Variants in PSMC1 observed in about 807,000 individuals in gnomAD.
PSMC1 encodes the protein 26S proteasome regulatory subunit 4.
In PSMC1, 5 loss-of-function variants were observed where a neutral mutation model predicts 49.8. The observed-to-expected ratio is 0.10, with a 90% CI of 0.05 to 0.21. PSMC1 has a LOEUF of 0.21. Among genes scored for constraint, PSMC1 ranks in the 10% least tolerant of loss-of-function variants. The pLI, the probability that PSMC1 is intolerant of heterozygous loss-of-function variation, is 1.00. For missense variants in PSMC1, 181 were observed against 535.7 expected (o/e 0.34, Z 6.54); for synonymous variants, 155 against 192.1 (o/e 0.81, Z 1.60).
chr14:90,275,329 A>T lies in PSMC1; in HGVS notation c.*2922A>T, dbSNP rs1376576422. On this transcript the variant is annotated 3_prime_UTR_variant, in exon 11 of 11. Transcript: ENST00000261303. Reference sequence around the variant, plus strand: ...AGTGTCTGTATCGTGGGCGGGTAGCAGACTCTCAGCAACTGACTCACACGG... The same window carrying T: ...AGTGTCTGTATCGTGGGCGGGTAGCTGACTCTCAGCAACTGACTCACACGG... 6.6e-6 allele frequency: 1 copy of T among 152,178 alleles called. No individual in the cohort carries two copies. Among genetic ancestry groups the T allele is most frequent in the Non-Finnish European group, 1.5e-5 (1 of 68,044 alleles). 9.4% of individuals were successfully genotyped at this position (152,178 alleles called of 1,614,324 possible).
intron 8 of PSMC1, 54 bp downstream of exon 8, chr14:90,268,467 C>T (rs1274780321): frequency 1.9e-6 from 3 of 1,556,544 alleles, no homozygotes; most frequent in Non-Finnish European, 1.8e-6. Flanking sequence ...CCGCATAGCT[C>T]TTCTCTTGAG....
intron 5 of PSMC1, 94 bp downstream of exon 5, chr14:90,263,941 C>A: frequency 6.3e-7 from 1 of 1,585,478 alleles, no homozygotes; most frequent in Non-Finnish European, 8.6e-7. Flanking sequence ...ATCACCAAAG[C>A]ACTCCTCAGG....
intron 7 of PSMC1, among the ~76,000 whole-genome samples, chr14:90,265,688 CAAAA>C (rs35151204): frequency 4.3e-5 from 4 of 94,110 alleles, no homozygotes; most frequent in Admixed American, 1.0e-4. Flanking sequence ...GACTACATCT[CAAAA>C]AAAAAAAAAA....
chr14:90,257,767 A>G (rs1484326200), intron 1 of PSMC1, among the ~76,000 whole-genome samples: 1 of 151,934 alleles, frequency 6.6e-6, no homozygotes, highest in Non-Finnish European at 1.5e-5. Context: ...TAATTTTTGT[A>G]TTTTTGTAGA....
intron 1 of PSMC1, among the ~76,000 whole-genome samples, chr14:90,257,093 G>C (rs982263349): frequency 4.6e-5 from 7 of 152,190 alleles, no homozygotes; most frequent in African/African-American, 1.7e-4. Context: ...CCTTAAAGAC[G>C]TTGTTATGAC....
chr14:90,272,139 C>T lies in PSMC1; in HGVS notation c.1189-134C>T, dbSNP rs1359192938. 1.1e-6 allele frequency: 1 copy of T among 909,694 alleles called. No individual in the cohort carries two copies. Among genetic ancestry groups the T allele is most frequent in the Non-Finnish European group, 1.6e-6 (1 of 612,254 alleles). The allele number at this position is 909,694 out of a possible 1,614,324, so 56.4% of individuals were successfully genotyped here. On this transcript the variant is annotated intron_variant, in intron 10 of 10. Coordinates refer to ENST00000261303, the MANE Select transcript of PSMC1 (RefSeq NM_002802.3). The surrounding 1 kb of genome is among the most constrained non-coding windows in gnomAD (Gnocchi z 4.5). ...GAACTCCTGACCTTAGGCGATCCAC[C>T]TGCCTCGGCCTCCCAGAGTGCTGGG...
chr14:90,264,956 A>G, intron 6 of PSMC1, 114 bp from the exon 7 acceptor site: 1 of 773,758 alleles, frequency 1.3e-6, no homozygotes, highest in Non-Finnish European at 2.2e-6. Context: ...GTCTCTAAGA[A>G]GAGTAATTGA....
intron 10 of PSMC1, 84 bp downstream of exon 10, chr14:90,270,436 T>C: frequency 6.8e-7 from 1 of 1,468,412 alleles, no homozygotes; most frequent in South Asian, 1.3e-5. Flanking sequence ...GGGATGGTGG[T>C]TGGCCTGGAC....
At chr14:90,265,781 C>T in intron 7 of PSMC1, among the ~76,000 whole-genome samples, 1 of 151,606 alleles carries the variant, frequency 6.6e-6, no homozygotes, top group Admixed American at 6.6e-5. Context: ...GTCACTTGAG[C>T]CCTGGAGGTT....
chr14:90,269,266 G>C (rs1413853365), intron 8 of PSMC1, 131 bp from the exon 9 acceptor site: 1 of 751,884 alleles, frequency 1.3e-6, no homozygotes, highest in Non-Finnish European at 2.1e-6. Context: ...GAGCATAATT[G>C]AGGGAGTGCC....
chr14:90,269,924 C>A, intron 9 of PSMC1: 1 of 431,680 alleles, frequency 2.3e-6, no homozygotes, highest in South Asian at 4.5e-5. Flanking sequence ...GTTTTTAACA[C>A]AATAGGTCTG....
At chr14:90,258,917 T>C (rs1297983452) in intron 1 of PSMC1, among the ~76,000 whole-genome samples, 1 of 152,258 alleles carries the variant, frequency 6.6e-6, no homozygotes, top group Non-Finnish European at 1.5e-5. Context: ...TTCTTGATTC[T>C]AAGATGCAAT....
chr14:90,271,965 T>C (rs185503371), intron 10 of PSMC1: 9 of 214,250 alleles, frequency 4.2e-5, no homozygotes, highest in African/African-American at 2.2e-4. Flanking sequence ...CGATCTCGGC[T>C]CACTGTAACC....
In PSMC1 at chr14:90,274,786, C is replaced by CCACACACACA. The variant is rs1566677946; in HGVS notation, c.*2379_*2380insCACACACACA. ...ACAGTATAGCCCTTTAAATAGGGAA[C>CCACACACACA]TACACACACACACACACACACACAC... On this transcript the variant is annotated 3_prime_UTR_variant, in exon 11 of 11. Transcript: ENST00000261303. 22 of 81,646 alleles carry CCACACACACA rather than the reference C, an allele frequency of 2.7e-4. No homozygotes were observed. Among genetic ancestry groups the CCACACACACA allele is most frequent in the African/African-American group, 1.0e-3 (21 of 20,278 alleles). The allele number at this position is 81,646 out of a possible 1,614,324, so 5.1% of individuals were successfully genotyped here. A position where few individuals can be genotyped will look rare whatever the true frequency, so the allele number is the denominator to read the frequency against.
At chr14:90,262,808 T>C (rs1207918960) in intron 3 of PSMC1, among the ~76,000 whole-genome samples, 1 of 151,606 alleles carries the variant, frequency 6.6e-6, no homozygotes, top group Non-Finnish European at 1.5e-5. Flanking sequence ...AAGACACAAT[T>C]CTTACGTGGC....
chr14:90,260,109 C>T lies in PSMC1; in HGVS notation c.58-6C>T, dbSNP rs1273787188. ...TTTTTTTTTCCTGCTATTCTAACAA[C>T]TCAAGGACAAGAAAAAGAAATATGA... is the stretch of plus-strand genomic sequence containing the variant. On this transcript the variant is annotated splice_polypyrimidine_tract_variant and splice_region_variant and intron_variant, in intron 2 of 10. Transcript: ENST00000261303. The T allele has an allele frequency of 1.9e-6, 3 of 1,549,418 alleles. No individual in the cohort carries two copies. Among genetic ancestry groups the T allele is most frequent in the Admixed American group, 3.9e-5 (2 of 50,654 alleles).
At chr14:90,256,746 C>G in intron 1 of PSMC1, 146 bp downstream of exon 1, 1 of 1,333,438 alleles carries the variant, frequency 7.5e-7, no homozygotes, top group Non-Finnish European at 1.0e-6. Flanking sequence ...CGGGTGGAGG[C>G]TCCCAGAGAC....
At chr14:90,266,210 G>A (rs943989) in intron 7 of PSMC1, among the ~76,000 whole-genome samples, 135 of 151,444 alleles carry the variant, frequency 8.9e-4, no homozygotes, top group African/African-American at 3.2e-3. Context: ...AGCTGAGATC[G>A]TGCCACTGCA....
At chr14:90,257,720 G>A (rs1044947572) in intron 1 of PSMC1, among the ~76,000 whole-genome samples, 1 of 152,098 alleles carries the variant, frequency 6.6e-6, no homozygotes, top group Non-Finnish European at 1.5e-5. Flanking sequence ...AGCCTTCCAA[G>A]TAGCTGCGAC....
Sources: allele counts gnomAD v4.1 joint callset (sites outside exome capture counted in the v4.1 genomes callset), GRCh38; gene constraint gnomAD v4.1.1; non-coding constraint Gnocchi (gnomAD v3.1); transcripts MANE v1.5; gene names NCBI Gene and HGNC (gene_info 2026-07-23, HGNC 2026-07-21).